The following LIMS4 variants were observed in gnomAD, a reference collection of about 807,000 sequenced individuals.
The protein encoded by LIMS4 is LIM zinc finger domain containing 4.
the LIMS4 span, among the ~76,000 whole-genome samples, chr2:110,425,175 C>G: frequency 1.5e-4 from 22 of 143,694 alleles, 1 homozygote; most frequent in East Asian, 4.0e-3. Context: ...GAGGATTGTT[C>G]AAGCCCAAGA....
chr2:110,375,260 C>T, the LIMS4 span: 3 of 128,108 alleles, frequency 2.3e-5, 1 homozygote, highest in African/African-American at 9.1e-5. Context: ...TCCAGATCCC[C>T]ACCCCAGATC....
At chr2:110,411,683 G>A in the LIMS4 span, among the ~76,000 whole-genome samples, 2 of 104,786 alleles carry the variant, frequency 1.9e-5, no homozygotes, top group Non-Finnish European at 3.6e-5. Context: ...ATCTCCATGA[G>A]ACAGATCCCA....
chr2:110,390,419 G>A, the LIMS4 span, among the ~76,000 whole-genome samples: 1 of 121,122 alleles, frequency 8.3e-6, no homozygotes. Flanking sequence ...AGGAATAAGA[G>A]GGTTTTCTGA....
the LIMS4 span, chr2:110,361,900 T>C: frequency 2.8e-6 from 4 of 1,414,496 alleles, no homozygotes; most frequent in Non-Finnish European, 4.0e-6. Context: ...TGTAGAAGAC[T>C]TCACAGTGAG....
the LIMS4 span, chr2:110,361,010 T>G: frequency 1.3e-6 from 2 of 1,578,386 alleles, no homozygotes; most frequent in Admixed American, 1.7e-5. Context: ...AACATTGATT[T>G]CCAGCTTTGG....
chr2:110,382,118 T>A, the LIMS4 span, among the ~76,000 whole-genome samples: 53 of 77,800 alleles, frequency 6.8e-4, no homozygotes, highest in African/African-American at 1.2e-3. Context: ...TATATATATA[T>A]ATATATATAT....
At chr2:110,365,057 T>G in the LIMS4 span, among the ~76,000 whole-genome samples, 3 of 139,288 alleles carry the variant, frequency 2.2e-5, no homozygotes, top group Admixed American at 1.4e-4. Context: ...CTTAGAGACC[T>G]GTGAGGAGAC....
At chr2:110,424,724 C>T in the LIMS4 span, among the ~76,000 whole-genome samples, 1 of 144,126 alleles carries the variant, frequency 6.9e-6, no homozygotes, top group Non-Finnish European at 1.5e-5. Flanking sequence ...CAAGTGAAGC[C>T]AGCTGGACTC....
chr2:110,391,523 GAGAA>G, the LIMS4 span, among the ~76,000 whole-genome samples: 1 of 76,586 alleles, frequency 1.3e-5, no homozygotes, highest in Non-Finnish European at 2.3e-5. Context: ...GAGAGGAAAG[GAGAA>G]AGAGAGGAGG....
the LIMS4 span, among the ~76,000 whole-genome samples, chr2:110,425,021 A>G: frequency 4.9e-5 from 7 of 143,454 alleles, no homozygotes; most frequent in Admixed American, 2.7e-4. Context: ...GCTTTGCGGA[A>G]GCTTTATTCT....
the LIMS4 span, among the ~76,000 whole-genome samples, chr2:110,424,982 G>C: frequency 6.9e-6 from 1 of 144,102 alleles, no homozygotes; most frequent in Non-Finnish European, 1.5e-5. Context: ...CACCCCAGCC[G>C]GCAGCGACAA....
the LIMS4 span, among the ~76,000 whole-genome samples, chr2:110,385,163 A>G: frequency 6.7e-6 from 1 of 149,462 alleles, no homozygotes; most frequent in Admixed American, 6.6e-5. Context: ...CCTAAACAAT[A>G]AATAAATAAA....
the LIMS4 span, chr2:110,386,746 CA>C: frequency 7.5e-6 from 6 of 799,022 alleles, no homozygotes; most frequent in Non-Finnish European, 1.3e-5. Flanking sequence ...CAGGGCAGCA[CA>C]GAGGGTCCAG....
At chr2:110,371,260 T>G in the LIMS4 span, among the ~76,000 whole-genome samples, 6 of 126,320 alleles carry the variant, frequency 4.7e-5, no homozygotes, top group African/African-American at 2.2e-4. Flanking sequence ...AAAAAACAAG[T>G]CTTTCTGGCA....
chr2:110,376,202 C>T, the LIMS4 span: 15 of 137,840 alleles, frequency 1.1e-4, no homozygotes, highest in Non-Finnish European at 1.5e-4. Flanking sequence ...TTAGGGGGAA[C>T]GAGTACAGGA....
chr2:110,360,670 G>C, the LIMS4 span: 3 of 1,573,398 alleles, frequency 1.9e-6, no homozygotes, highest in South Asian at 2.2e-5. Context: ...CTGCATGTGA[G>C]TTTTTAAGGC....
chr2:110,368,439 A>AAT, the LIMS4 span, among the ~76,000 whole-genome samples: 2 of 150,992 alleles, frequency 1.3e-5, no homozygotes, highest in South Asian at 2.1e-4. Flanking sequence ...TATATTTATT[A>AAT]ATATATATAG....
chr2:110,366,203 A>G, the LIMS4 span, among the ~76,000 whole-genome samples: 2 of 150,646 alleles, frequency 1.3e-5, no homozygotes, highest in Non-Finnish European at 2.9e-5. Flanking sequence ...TGAGGCAAGC[A>G]TCATTCTGAT....
the LIMS4 span, among the ~76,000 whole-genome samples, chr2:110,365,802 AAG>A: frequency 1.4e-5 from 2 of 141,298 alleles, no homozygotes; most frequent in Non-Finnish European, 3.0e-5. Context: ...CAGCAGAAGA[AAG>A]AGAAAATCCA....
Sources: gnomAD v4.1 joint callset for allele counts (sites outside exome capture counted in the v4.1 genomes callset) on GRCh38, gnomAD v4.1.1 for gene constraint, MANE v1.5 for transcripts, NCBI Gene and HGNC (gene_info 2026-07-23, HGNC 2026-07-21) for gene names.